PLCZ1: variants seen among roughly 807,000 people sequenced by gnomAD.
PLCZ1 encodes the protein 1-phosphatidylinositol 4,5-bisphosphate phosphodiesterase zeta-1.
In PLCZ1, 64 loss-of-function variants were observed where a neutral mutation model predicts 76.8. The ratio of observed to expected loss-of-function variants is 0.83; its 90% confidence interval spans 0.68 to 1.03. The LOEUF is 1.03. PLCZ1 is among the 50% of genes least tolerant of loss of function. The pLI, the probability that PLCZ1 is intolerant of heterozygous loss-of-function variation, is 0.00. For missense variants in PLCZ1, 751 were observed against 713.7 expected (o/e 1.05, Z -0.60); for synonymous variants, 248 against 230.8 (o/e 1.07, Z -0.68).
chr12:18,676,244 CT>C, the PLCZ1 span, among the ~76,000 whole-genome samples: 1 of 152,112 alleles, frequency 6.6e-6, no homozygotes, highest in East Asian at 1.9e-4. Flanking sequence ...GGTCAAGCCT[CT>C]TTTGAGACCA....
chr12:18,701,465 A>G (rs1955905507), intron 9 of PLCZ1, 36 bp downstream of exon 9: 2 of 1,612,288 alleles, frequency 1.2e-6, no homozygotes, highest in Non-Finnish European at 1.7e-6. Flanking sequence ...AAAACTTTCC[A>G]ATCACTTGTA....
chr12:18,697,693 A>G (rs11830337), intron 10 of PLCZ1, among the ~76,000 whole-genome samples: 74,240 of 151,656 alleles, frequency 0.49, 19,242 homozygotes, highest in African/African-American at 0.66. Flanking sequence ...TTGTATGTGT[A>G]TAATTTTTAG....
At chr12:18,656,349 G>A in the PLCZ1 span, among the ~76,000 whole-genome samples, 14 of 152,018 alleles carry the variant, frequency 9.2e-5, no homozygotes, top group Middle Eastern at 6.3e-3. Context: ...AGGCTGAGGC[G>A]GGTGGATCAC....
downstream of PLCZ1, among the ~76,000 whole-genome samples, chr12:18,681,508 G>A (rs1320290641): frequency 6.6e-6 from 1 of 151,992 alleles, no homozygotes; most frequent in African/African-American, 2.4e-5. Flanking sequence ...TGACTCTGGA[G>A]TTTTACATGA....
At chr12:18,662,199 A>G in the PLCZ1 span, among the ~76,000 whole-genome samples, 79,171 of 151,758 alleles carry the variant, frequency 0.52, 21,787 homozygotes, top group South Asian at 0.67. Context: ...ATGCTACCTA[A>G]ATAGCATAGG....
At chr12:18,737,804 G>T (rs1176957622) in intron 1 of PLCZ1, 128 bp downstream of exon 1, 3 of 309,054 alleles carry the variant, frequency 9.7e-6, no homozygotes, top group Non-Finnish European at 1.8e-5. Context: ...GGTTTGGGCA[G>T]CTACTCTGAG....
chr12:18,723,610 A>G (rs1019043285), intron 3 of PLCZ1, 68 bp from the exon 4 acceptor site: 4 of 1,177,900 alleles, frequency 3.4e-6, no homozygotes, highest in African/African-American at 1.5e-5. Context: ...ATATTAGAGT[A>G]TTTATGTAAC....
intron 10 of PLCZ1, among the ~76,000 whole-genome samples, chr12:18,697,918 C>G (rs1468076432): frequency 6.6e-6 from 1 of 151,906 alleles, no homozygotes; most frequent in African/African-American, 2.4e-5. Context: ...TGCTCTATGC[C>G]CCTTCAAAGA....
chr12:18,650,704 G>C, the PLCZ1 span, among the ~76,000 whole-genome samples: 10 of 57,784 alleles, frequency 1.7e-4, no homozygotes, highest in East Asian at 1.3e-3. Context: ...GTGTGTGTGT[G>C]TATATATCTA....
At chr12:18,710,161 T>C (rs745929456) in intron 6 of PLCZ1, among the ~76,000 whole-genome samples, 1 of 148,702 alleles carries the variant, frequency 6.7e-6, no homozygotes, top group Non-Finnish European at 1.5e-5. Context: ...TTGCATTTTG[T>C]CTCTTTTTCT....
Position 18,737,311 on chromosome 12 carries a change from A to G in PLCZ1, c.11+50T>C, listed in dbSNP as rs1329448940. 5 of 1,572,786 alleles carry G rather than the reference A, an allele frequency of 3.2e-6. No individual in the cohort carries two copies. In the African/African-American group the frequency reaches 4.1e-5, roughly 13 times the overall value. ...AGAATAACAGCATCAAGTAAAGAGG[A>G]TAAGTAGGAGAAAGAAGAAGAGGAG... On this transcript the variant is annotated intron_variant, in intron 2 of 14. Coordinates refer to ENST00000266505, the MANE Select transcript of PLCZ1 (RefSeq NM_033123.4).
At position 18,737,385 on chromosome 12, in the gene PLCZ1, G is replaced by A; in HGVS notation, c.-14C>T. On this transcript the variant is annotated 5_prime_UTR_variant, in exon 2 of 15. Coordinates refer to ENST00000266505, the MANE Select transcript of PLCZ1 (RefSeq NM_033123.4). ...TCTCATTTCCATAGTTTCATGACCTGTAGAGCCGTTTCTCCTCACTTAGAA... is the reference window on the plus strand; with the variant it reads ...TCTCATTTCCATAGTTTCATGACCTATAGAGCCGTTTCTCCTCACTTAGAA... 1 of 1,613,808 alleles carries A rather than the reference G, an allele frequency of 6.2e-7. No individual in the cohort carries two copies. Among genetic ancestry groups the A allele is most frequent in the Non-Finnish European group, 8.5e-7 (1 of 1,179,740 alleles).
chr12:18,718,260 G>A (rs547634819), intron 5 of PLCZ1, among the ~76,000 whole-genome samples: 1 of 152,226 alleles, frequency 6.6e-6, no homozygotes, highest in African/African-American at 2.4e-5. Context: ...CTCAGCTGCT[G>A]CCTCATGAGT....
At chr12:18,726,065 G>C (rs1958733990) in intron 3 of PLCZ1, among the ~76,000 whole-genome samples, 1 of 152,080 alleles carries the variant, frequency 6.6e-6, no homozygotes, top group Non-Finnish European at 1.5e-5. Context: ...AAAAGTGCCT[G>C]ACTGAAGATA....
At chr12:18,657,197 C>T in the PLCZ1 span, among the ~76,000 whole-genome samples, 3 of 152,002 alleles carry the variant, frequency 2.0e-5, no homozygotes, top group Non-Finnish European at 4.4e-5. Context: ...CTGCTGGGGA[C>T]AAGGAATAAT....
downstream of PLCZ1, among the ~76,000 whole-genome samples, chr12:18,680,013 T>G (rs1227940057): frequency 1.3e-5 from 2 of 151,996 alleles, no homozygotes; most frequent in African/African-American, 4.8e-5. Context: ...TGCTCAAATT[T>G]TATGGCCTAA....
the PLCZ1 span, among the ~76,000 whole-genome samples, chr12:18,661,613 G>C: frequency 6.6e-6 from 1 of 152,088 alleles, no homozygotes; most frequent in Non-Finnish European, 1.5e-5. Context: ...TCTCACACCA[G>C]TCAGAATGGC....
At chr12:18,722,618 A>G (rs934635375) in intron 4 of PLCZ1, among the ~76,000 whole-genome samples, 1 of 152,040 alleles carries the variant, frequency 6.6e-6, no homozygotes, top group Admixed American at 6.6e-5. Context: ...ATTTTATTGT[A>G]TTATGTGTTT....
chr12:18,651,319 C>T, the PLCZ1 span, among the ~76,000 whole-genome samples: 12 of 152,240 alleles, frequency 7.9e-5, 1 homozygote, highest in South Asian at 2.5e-3. Flanking sequence ...CTACCTTGAA[C>T]ACCCTATGTG....
Sources: gnomAD v4.1 joint callset for allele counts (sites outside exome capture counted in the v4.1 genomes callset) on GRCh38, gnomAD v4.1.1 for gene constraint, MANE v1.5 for transcripts, NCBI Gene and HGNC (gene_info 2026-07-23, HGNC 2026-07-21) for gene names.